Variants in CDC16 observed in about 807,000 individuals in gnomAD.
CDC16 encodes cell division cycle protein 16 homolog.
Under a neutral mutation model 87.0 loss-of-function variants are expected in CDC16, and 34 were observed. The observed-to-expected ratio is 0.39, with a 90% CI of 0.30 to 0.52. The LOEUF (loss-of-function observed/expected upper bound fraction) is 0.52. Ranked by LOEUF, CDC16 falls within the 20% of genes least tolerant of loss-of-function variation. CDC16 has a pLI of 0.74. For synonymous variants in CDC16, 263 were observed against 260.6 expected (o/e 1.01, Z -0.09); for missense variants, 653 against 751.9 (o/e 0.87, Z 1.54).
intron 17 of CDC16, among the ~76,000 whole-genome samples, chr13:114,271,143 G>A (rs533614912): frequency 7.4e-4 from 113 of 151,928 alleles, no homozygotes; most frequent in African/African-American, 2.7e-3. Context: ...GGATGGTCTC[G>A]ATCTCCTGAC....
chr13:114,253,463 G>A (rs1349806114), intron 12 of CDC16, among the ~76,000 whole-genome samples: 2 of 152,086 alleles, frequency 1.3e-5, no homozygotes, highest in Non-Finnish European at 2.9e-5. Context: ...CCAGAGGGGT[G>A]TGGATCACTT....
intron 16 of CDC16, among the ~76,000 whole-genome samples, chr13:114,263,982 G>A (rs1370144479): frequency 6.6e-6 from 1 of 152,018 alleles, no homozygotes; most frequent in Non-Finnish European, 1.5e-5. Context: ...AGAAAATGTG[G>A]GTCTTAGAAT....
chr13:114,239,155 TC>T (rs1240971327), intron 4 of CDC16, 127 bp downstream of exon 4: 1 of 1,448,830 alleles, frequency 6.9e-7, no homozygotes, highest in Non-Finnish European at 9.4e-7. Context: ...GAGGAAGTGT[TC>T]CTTTCCTTAG....
At chr13:114,249,987 A>AGTAAAC (rs1328540816) in intron 11 of CDC16, among the ~76,000 whole-genome samples, 4 of 152,178 alleles carry the variant, frequency 2.6e-5, no homozygotes, top group African/African-American at 7.2e-5. Flanking sequence ...AATGGATGTT[A>AGTAAAC]ATGTTTTTGA....
Position 114,272,280 on chromosome 13 carries a change from AAT to A in CDC16, c.1701_1702del (p.Glu567AspfsTer2). 6.2e-7 allele frequency: 1 copy of A among 1,614,146 alleles called. No individual in the cohort carries two copies. Among genetic ancestry groups the A allele is most frequent in the Non-Finnish European group, 8.5e-7 (1 of 1,179,960 alleles). On this transcript the variant is annotated frameshift_variant, in exon 18 of 18. Transcript: ENST00000356221. LOFTEE classifies it high-confidence loss of function. ...ATTTCACCTCCGTGGGATTTCAGGG[AAT>A]TTGAAGTAGAAAAACAGACTGCAGA... is the stretch of plus-strand genomic sequence containing the variant.
intron 13 of CDC16, 59 bp from the exon 14 acceptor site, chr13:114,259,276 T>G: frequency 7.8e-7 from 1 of 1,290,224 alleles, no homozygotes; most frequent in Non-Finnish European, 1.1e-6. Flanking sequence ...CAAAAATTTT[T>G]TTAAAGTTTA....
At position 114,250,539 on chromosome 13, in the gene CDC16, T is replaced by C. The variant is rs771594677; in HGVS notation, c.972-10T>C. 2 of 1,611,406 alleles carry C rather than the reference T, an allele frequency of 1.2e-6. No homozygotes were observed. Among genetic ancestry groups the C allele is most frequent in the Middle Eastern group, 1.7e-4 (1 of 6,048 alleles). ...ATACTATATGACTTAAATTAACTCT[T>C]TTGTTTTAGCAAAGCCACAACACTT... On this transcript the variant is annotated splice_polypyrimidine_tract_variant and intron_variant, in intron 11 of 17. Coordinates refer to ENST00000356221, the MANE Select transcript of CDC16 (RefSeq NM_001078645.3).
chr13:114,247,898 A>C (rs1437823458), intron 11 of CDC16, among the ~76,000 whole-genome samples: 5 of 151,854 alleles, frequency 3.3e-5, no homozygotes, highest in African/African-American at 1.2e-4. Flanking sequence ...AATAATAATT[A>C]ATAAATGAGA....
chr13:114,250,954 C>T (rs1392418842), intron 12 of CDC16, among the ~76,000 whole-genome samples: 1 of 152,122 alleles, frequency 6.6e-6, no homozygotes, highest in African/African-American at 2.4e-5. Context: ...CTCACATGCT[C>T]ATGCAAGAAT....
chr13:114,262,888 T>C lies in CDC16; in HGVS notation c.1386T>C (p.Ala462=). Residue 462 remains alanine, a synonymous_variant, in exon 16 of 18, where the codon GCT becomes GCC. Transcript: ENST00000356221. ...GTGTTCTCTCCCACAGAAAGTATGCTGAGGCCTTGGATTACCACCGTCAGG... is the reference window on the plus strand; with the variant it reads ...GTGTTCTCTCCCACAGAAAGTATGCCGAGGCCTTGGATTACCACCGTCAGG... ...GHVCRKLKKY[A]EALDYHRQAL... is the part of the protein sequence containing the mutation. 6.2e-7 allele frequency: 1 copy of C among 1,614,202 alleles called. No homozygotes were observed.
chr13:114,241,376 T>C (rs7987334), intron 5 of CDC16, among the ~76,000 whole-genome samples: 52,040 of 152,200 alleles, frequency 0.34, 11,016 homozygotes, highest in African/African-American at 0.6. Flanking sequence ...CTGTGCTGCC[T>C]CAGCAGGCCA....
intron 10 of CDC16, among the ~76,000 whole-genome samples, chr13:114,246,553 T>C (rs972275962): frequency 2.0e-5 from 3 of 152,120 alleles, no homozygotes; most frequent in African/African-American, 7.2e-5. Flanking sequence ...ACGACAAGAA[T>C]TTGCACCCTA....
chr13:114,240,335 G>A (rs769809367), intron 5 of CDC16, among the ~76,000 whole-genome samples: 5 of 151,800 alleles, frequency 3.3e-5, no homozygotes, highest in Admixed American at 6.6e-5. Flanking sequence ...TCAGCCTCCC[G>A]AGTAGCTGGG....
At chr13:114,256,899 C>CTGATTAG (rs1406913486) in intron 12 of CDC16, among the ~76,000 whole-genome samples, 179 bp from the exon 13 acceptor site, 1 of 152,010 alleles carries the variant, frequency 6.6e-6, no homozygotes, top group Non-Finnish European at 1.5e-5. Flanking sequence ...GAAGTGGCAG[C>CTGATTAG]TGATTAGTCC....
chr13:114,246,355 C>T (rs542671425), intron 10 of CDC16, among the ~76,000 whole-genome samples: 4 of 152,332 alleles, frequency 2.6e-5, no homozygotes, highest in East Asian at 3.9e-4. Flanking sequence ...ATGACAGTCA[C>T]GCCTCCCTTT....
At chr13:114,268,240 A>G (rs1281165338) in intron 17 of CDC16, among the ~76,000 whole-genome samples, 1 of 152,222 alleles carries the variant, frequency 6.6e-6, no homozygotes, top group Non-Finnish European at 1.5e-5. Flanking sequence ...GGAAAAAGAA[A>G]TGAAAAATAA....
intron 13 of CDC16, among the ~76,000 whole-genome samples, chr13:114,257,623 A>G (rs1022148834): frequency 1.1e-4 from 16 of 152,192 alleles, no homozygotes; most frequent in African/African-American, 2.4e-5. Context: ...GTTACTAGTA[A>G]GTCAGAAAAT....
chr13:114,236,466 T>C (rs2081254930), intron 1 of CDC16, among the ~76,000 whole-genome samples, 179 bp from the exon 2 acceptor site: 1 of 152,178 alleles, frequency 6.6e-6, no homozygotes, highest in Admixed American at 6.5e-5. Flanking sequence ...GACACTGAAC[T>C]AAAATTTACC....
intron 1 of CDC16, among the ~76,000 whole-genome samples, chr13:114,235,660 A>G (rs2081213067): frequency 6.6e-6 from 1 of 152,218 alleles, no homozygotes; most frequent in African/African-American, 2.4e-5. Context: ...TTCGAGAATC[A>G]GCAGCATCAG....
Sources: allele counts gnomAD v4.1 joint callset (sites outside exome capture counted in the v4.1 genomes callset), GRCh38; gene constraint gnomAD v4.1.1; transcripts MANE v1.5; gene names NCBI Gene and HGNC (gene_info 2026-07-23, HGNC 2026-07-21).